The following ADGB variants were observed in gnomAD, a reference collection of about 807,000 sequenced individuals.
ADGB encodes androglobin.
Under a neutral mutation model 210.5 loss-of-function variants are expected in ADGB, and 172 were observed. The ratio of observed to expected loss-of-function variants is 0.82; its 90% CI spans 0.72 to 0.93. ADGB has a LOEUF of 0.93. Among genes scored for constraint, ADGB ranks in the 40% least tolerant of loss-of-function variants. The pLI is 0.00. For missense variants in ADGB, 2,025 were observed against 1,964.8 expected, an observed-to-expected ratio of 1.03 and a Z score of -0.58; for synonymous variants, 658 against 662.7, an observed-to-expected ratio of 0.99 and a Z score of 0.11.
At position 146,631,274 on chromosome 6, in the gene ADGB, A is replaced by T. The variant is rs118108106; in HGVS notation, c.75-4101A>T. Among the ~76,000 whole-genome samples, 5 of 152,296 alleles carry T rather than the reference A, an allele frequency of 3.3e-5. No homozygotes were observed. In the East Asian group the frequency reaches 9.7e-4, roughly 29 times the overall value. The stretch of plus-strand genomic sequence containing the variant: ...ATTTCTTTCATACCAGAGTGTGACC[A>T]GGTGTGTAGTGCTGGCTTTGCATGT... On this transcript the variant is annotated intron_variant, in intron 1 of 35. Coordinates refer to ENST00000397944, the MANE Select transcript of ADGB (RefSeq NM_024694.4).
In ADGB at chr6:146,614,223, T is replaced by TCCTCCCTTCCTC. The variant is rs150715826; in HGVS notation, c.74+15112_74+15113insCCCTTCCTCCCT. Among the ~76,000 whole-genome samples, 6 of 29,272 alleles carry TCCTCCCTTCCTC rather than the reference T, an allele frequency of 2.0e-4. No homozygotes were observed. In the Admixed American group the frequency reaches 3.4e-3, roughly 17 times the overall value. The allele number at this position is 29,272 out of a possible 152,430, so 19.2% of individuals were successfully genotyped here. On this transcript the variant is annotated intron_variant, in intron 1 of 35. Coordinates refer to ENST00000397944, the MANE Select transcript of ADGB (RefSeq NM_024694.4). ...TCCCTTCCTCCCTTCCTTCCTCCCT[T>TCCTCCCTTCCTC]CCTTCCTTCCTTCCTTCCTTCCTTC... is the stretch of plus-strand genomic sequence containing the variant.
rs1583634833 is a variant in ADGB at position 146,779,045 on chromosome 6, G to T, written c.3863-2975G>T. Among the ~76,000 whole-genome samples the T allele has an allele frequency of 2.7e-5, 4 of 147,392 alleles. No individual in the cohort carries two copies. The Admixed American group carries it at 2.7e-4, about 10-fold the overall frequency. On this transcript the variant is annotated intron_variant, in intron 29 of 35. Coordinates refer to ENST00000397944, the MANE Select transcript of ADGB (RefSeq NM_024694.4). ...GCATTTTAACTTGTCCCATTCCTCA[G>T]CTCAGCAGTAGCTTTGGAAAAAAAA...
chr6:146,634,865 A>G (rs1215262386), intron 1 of ADGB, among the ~76,000 whole-genome samples: 2 of 152,086 alleles, frequency 1.3e-5, no homozygotes, highest in Admixed American at 1.3e-4. Context: ...GAAATAAGGT[A>G]TATTTATACA....
chr6:146,611,486 T>C (rs1400015234), intron 1 of ADGB, among the ~76,000 whole-genome samples: 2 of 152,138 alleles, frequency 1.3e-5, no homozygotes, highest in South Asian at 2.1e-4. Flanking sequence ...TCAAATGTCT[T>C]TGGGCATCGT....
intron 28 of ADGB, among the ~76,000 whole-genome samples, chr6:146,766,835 C>T (rs978034764): frequency 6.6e-6 from 1 of 152,050 alleles, no homozygotes; most frequent in Non-Finnish European, 1.5e-5. Context: ...TTGCAAATAA[C>T]ATAATAGATA....
chr6:146,691,447 T>TATATATATAA (rs1776317354), intron 11 of ADGB, among the ~76,000 whole-genome samples, 157 bp downstream of exon 11: 6 of 21,096 alleles, frequency 2.8e-4, no homozygotes, highest in African/African-American at 1.5e-3. Flanking sequence ...TATATAAAAA[T>TATATATATAA]ATATATATAT....
chr6:146,777,274 T>G (rs1777734010), intron 29 of ADGB, among the ~76,000 whole-genome samples: 2 of 152,044 alleles, frequency 1.3e-5, no homozygotes, highest in Non-Finnish European at 2.9e-5. Context: ...ATTATATAAC[T>G]TCTCTGAATA....
chr6:146,636,604 G>T (rs143399590), intron 2 of ADGB, among the ~76,000 whole-genome samples: 1 of 151,938 alleles, frequency 6.6e-6, no homozygotes, highest in Non-Finnish European at 1.5e-5. Flanking sequence ...GAAAGAGAGA[G>T]AGTGTGAGTG....
At chr6:146,609,146 G>A (rs897005871) in intron 1 of ADGB, among the ~76,000 whole-genome samples, 3 of 152,034 alleles carry the variant, frequency 2.0e-5, no homozygotes, top group African/African-American at 2.4e-5. Flanking sequence ...CCTTTCGATC[G>A]TTGTTGGCTT....
At chr6:146,637,583 G>A (rs944812765) in intron 2 of ADGB, among the ~76,000 whole-genome samples, 12 of 151,862 alleles carry the variant, frequency 7.9e-5, no homozygotes, top group African/African-American at 2.9e-4. Flanking sequence ...CACCAGACCA[G>A]CTATAGCATT....
chr6:146,696,813 A>G (rs572284760), intron 12 of ADGB, among the ~76,000 whole-genome samples: 1 of 152,202 alleles, frequency 6.6e-6, no homozygotes, highest in Non-Finnish European at 1.5e-5. Flanking sequence ...GAAGAGAGCC[A>G]GAGAGGCTTG....
intron 20 of ADGB, among the ~76,000 whole-genome samples, chr6:146,732,174 C>T (rs575755033): frequency 3.9e-5 from 6 of 152,166 alleles, no homozygotes; most frequent in Admixed American, 6.5e-5. Context: ...TCTTGATCCA[C>T]GGGTATGTTA....
chr6:146,747,050 G>A (rs1336923745), intron 26 of ADGB, among the ~76,000 whole-genome samples: 1 of 152,094 alleles, frequency 6.6e-6, no homozygotes, highest in Middle Eastern at 3.2e-3. Context: ...CTGAGACTGT[G>A]ACATATCAAA....
chr6:146,808,158 C>A (rs1778242632), intron 35 of ADGB, among the ~76,000 whole-genome samples: 1 of 152,036 alleles, frequency 6.6e-6, no homozygotes, highest in Non-Finnish European at 1.5e-5. Context: ...TGCCACCACA[C>A]CCTGCTAACT....
intron 26 of ADGB, among the ~76,000 whole-genome samples, chr6:146,749,932 A>T (rs9497618): frequency 0.49 from 75,121 of 151,936 alleles, 19,886 homozygotes; most frequent in African/African-American, 0.68. Flanking sequence ...CATCCCCATG[A>T]TCCAATCACC....
chr6:146,712,449 A>G (rs189963643), intron 13 of ADGB, among the ~76,000 whole-genome samples: 179 of 151,940 alleles, frequency 1.2e-3, no homozygotes, highest in Admixed American at 3.2e-3. Context: ...GGCCTCCCAA[A>G]GTGCTGAGAT....
At chr6:146,777,395 C>A (rs557891677) in intron 29 of ADGB, among the ~76,000 whole-genome samples, 1 of 152,018 alleles carries the variant, frequency 6.6e-6, no homozygotes, top group Non-Finnish European at 1.5e-5. Context: ...CTCACCACTT[C>A]CATATTTAAT....
chr6:146,803,609 C>T (rs1393873698), intron 35 of ADGB: 4 of 1,344,978 alleles, frequency 3.0e-6, no homozygotes, highest in East Asian at 2.3e-5. Context: ...ATGTTCTTAT[C>T]AGTGAAATTA....
chr6:146,602,824 T>C (rs904844419), intron 1 of ADGB, among the ~76,000 whole-genome samples: 2 of 152,220 alleles, frequency 1.3e-5, no homozygotes, highest in Admixed American at 6.5e-5. Context: ...GCAAATCCTA[T>C]TGTAAACTGT....
Sources: allele counts gnomAD v4.1 joint callset (sites outside exome capture counted in the v4.1 genomes callset), GRCh38; gene constraint gnomAD v4.1.1; transcripts MANE v1.5; gene names NCBI Gene and HGNC (gene_info 2026-07-23, HGNC 2026-07-21).